The following CACNB2 variants were observed in gnomAD, a reference collection of about 807,000 sequenced individuals.
CACNB2 encodes the protein calcium voltage-gated channel auxiliary subunit beta 2.
CACNB2 carries 42 observed loss-of-function variants against 73.3 expected under a neutral mutation model. That is an observed-to-expected ratio of 0.57 (90% CI 0.45 to 0.74). CACNB2 has a LOEUF of 0.74. Ranked by LOEUF, CACNB2 falls within the 30% of genes least tolerant of loss-of-function variation. CACNB2 has a pLI of 0.00. For synonymous variants in CACNB2, 348 were observed against 310.3 expected (o/e 1.12, Z -1.28); for missense variants, 940 against 853.0 (o/e 1.10, Z -1.27).
chr10:18,268,117 G>C (rs1343182830), intron 2 of CACNB2, among the ~76,000 whole-genome samples: 1 of 152,224 alleles, frequency 6.6e-6, no homozygotes, highest in Non-Finnish European at 1.5e-5. Flanking sequence ...AAAAAGAGCA[G>C]TCCCTTTTAG....
At chr10:18,247,792 C>T (rs1346563380) in intron 2 of CACNB2, among the ~76,000 whole-genome samples, 1 of 152,146 alleles carries the variant, frequency 6.6e-6, no homozygotes, top group Non-Finnish European at 1.5e-5. Context: ...TACTCCATTA[C>T]CTTCATAGTA....
At chr10:18,152,690 T>G (rs911792738) in intron 2 of CACNB2, among the ~76,000 whole-genome samples, 1 of 121,972 alleles carries the variant, frequency 8.2e-6, no homozygotes, top group Non-Finnish European at 1.6e-5. Context: ...TGAGTCATCA[T>G]GCAGGACCTG....
chr10:18,479,707 C>T (rs1038300447), intron 3 of CACNB2, among the ~76,000 whole-genome samples: 10 of 151,772 alleles, frequency 6.6e-5, no homozygotes, highest in African/African-American at 2.2e-4. Flanking sequence ...CTCGCTCGCT[C>T]GCTCTCTCGC....
intron 2 of CACNB2, among the ~76,000 whole-genome samples, chr10:18,196,370 G>T (rs1029072548): frequency 2.7e-5 from 4 of 146,060 alleles, no homozygotes; most frequent in Middle Eastern, 3.4e-3. Context: ...ATGGCTCATT[G>T]CAGCAGCCTG....
intron 2 of CACNB2, among the ~76,000 whole-genome samples, chr10:18,364,768 C>A (rs2042282852): frequency 1.3e-5 from 2 of 152,178 alleles, no homozygotes; most frequent in Non-Finnish European, 2.9e-5. Context: ...CTTTAGATAT[C>A]TTTCATCTTC....
chr10:18,324,723 G>A (rs1259507866), intron 2 of CACNB2, among the ~76,000 whole-genome samples: 1 of 152,166 alleles, frequency 6.6e-6, no homozygotes, highest in Non-Finnish European at 1.5e-5. Flanking sequence ...GGGTGTGGTG[G>A]CATGCGTCTG....
chr10:18,320,331 A>ATGTGC (rs1554792218), intron 2 of CACNB2, among the ~76,000 whole-genome samples: 39 of 152,118 alleles, frequency 2.6e-4, no homozygotes, highest in African/African-American at 9.2e-4. Context: ...TGTTTGTTTC[A>ATGTGC]TTTGCTTTGC....
intron 2 of CACNB2, among the ~76,000 whole-genome samples, chr10:18,264,709 G>A (rs540022120): frequency 1.1e-4 from 16 of 152,276 alleles, no homozygotes; most frequent in Admixed American, 5.9e-4. Context: ...GCAATTTCTC[G>A]TGCTCACGGT....
chr10:18,286,435 G>A (rs1051014113), intron 2 of CACNB2, among the ~76,000 whole-genome samples: 9 of 145,246 alleles, frequency 6.2e-5, no homozygotes, highest in Admixed American at 1.4e-4. Context: ...GGAAAATGGC[G>A]TGAACCCTGC....
intron 2 of CACNB2, among the ~76,000 whole-genome samples, chr10:18,234,486 A>T (rs2036352315): frequency 6.6e-6 from 1 of 152,210 alleles, no homozygotes; most frequent in African/African-American, 2.4e-5. Flanking sequence ...AGATGGAGGC[A>T]ACCCAACTGT....
In CACNB2 at chr10:18,423,052, T is replaced by C. The variant is rs182421957; in HGVS notation, c.333+21009T>C. Among the ~76,000 whole-genome samples, 43 of 152,356 alleles carry C rather than the reference T, an allele frequency of 2.8e-4. No homozygotes were observed. In the Middle Eastern group the frequency reaches 0.014, roughly 48 times the overall value. On this transcript the variant is annotated intron_variant, in intron 3 of 13. Transcript: ENST00000324631. ...GCATAATAAATATGTGTGGACTGAATGAATCACATGATCTGAGTGATAGGA... is the reference window on the plus strand; with the variant it reads ...GCATAATAAATATGTGTGGACTGAACGAATCACATGATCTGAGTGATAGGA...
At chr10:18,156,567 A>T (rs1434066873) in intron 2 of CACNB2, among the ~76,000 whole-genome samples, 1 of 152,192 alleles carries the variant, frequency 6.6e-6, no homozygotes, top group Non-Finnish European at 1.5e-5. Context: ...TGCGTGGCAG[A>T]TGTTAGTGGG....
intron 3 of CACNB2, among the ~76,000 whole-genome samples, chr10:18,443,015 T>C (rs1339620885): frequency 1.3e-4 from 4 of 31,784 alleles, no homozygotes; most frequent in African/African-American, 3.2e-4. Context: ...TATATATATG[T>C]ATATATATAT....
chr10:18,404,511 C>G (rs1380688058), intron 3 of CACNB2, among the ~76,000 whole-genome samples: 1 of 152,154 alleles, frequency 6.6e-6, no homozygotes, highest in African/African-American at 2.4e-5. Context: ...GTTAAAAACA[C>G]TTTGCACAGC....
intron 3 of CACNB2, among the ~76,000 whole-genome samples, chr10:18,418,159 C>T (rs951058278): frequency 2.6e-5 from 4 of 152,186 alleles, no homozygotes; most frequent in Non-Finnish European, 5.9e-5. Flanking sequence ...ACTGCAACCT[C>T]TGCCTCCCAT....
At chr10:18,432,052 C>T (rs762020852) in intron 3 of CACNB2, among the ~76,000 whole-genome samples, 5 of 152,132 alleles carry the variant, frequency 3.3e-5, no homozygotes, top group African/African-American at 4.8e-5. Context: ...CATGAGCCAC[C>T]GCACCCGGCC....
At chr10:18,434,402 A>G (rs545935820) in intron 3 of CACNB2, among the ~76,000 whole-genome samples, 1 of 152,290 alleles carries the variant, frequency 6.6e-6, no homozygotes, top group South Asian at 2.1e-4. Flanking sequence ...AGCCAGTAGA[A>G]TTTGGGGAAT....
intron 3 of CACNB2, among the ~76,000 whole-genome samples, chr10:18,482,296 T>G (rs908028911): frequency 1.3e-5 from 2 of 152,046 alleles, no homozygotes; most frequent in African/African-American, 4.8e-5. Context: ...ATTATTACAG[T>G]CTAATAATGT....
chr10:18,376,229 T>C (rs994321786), intron 2 of CACNB2, among the ~76,000 whole-genome samples: 3 of 152,162 alleles, frequency 2.0e-5, no homozygotes, highest in Admixed American at 6.6e-5. Context: ...TTAAATGAAA[T>C]AAACTAGGCA....
Sources: gnomAD v4.1 joint callset for allele counts (sites outside exome capture counted in the v4.1 genomes callset) on GRCh38, gnomAD v4.1.1 for gene constraint, MANE v1.5 for transcripts, NCBI Gene and HGNC (gene_info 2026-07-23, HGNC 2026-07-21) for gene names.